Variants in UBE2G1 observed in about 807,000 individuals in gnomAD.
The protein encoded by UBE2G1 is ubiquitin conjugating enzyme E2 G1, also known as ubiquitin-conjugating enzyme E2 G1.
Under a neutral mutation model 22.7 loss-of-function variants are expected in UBE2G1, and 5 were observed. The observed-to-expected ratio is 0.22, with a 90% CI of 0.12 to 0.46. The LOEUF (loss-of-function observed/expected upper bound fraction) is 0.46, where lower values mean the gene tolerates loss of function less well. UBE2G1 is among the 20% of genes least tolerant of loss of function. The pLI, the probability that UBE2G1 is intolerant of heterozygous loss-of-function variation, is 0.99. For missense variants in UBE2G1, 88 were observed against 203.9 expected (o/e 0.43, Z 3.46); for synonymous variants, 74 against 67.5 (o/e 1.10, Z -0.47).
rs560828642 is a variant in UBE2G1, at chr17:4,310,153, T to C, written c.47-3030A>G. 2.0e-5 allele frequency among the ~76,000 whole-genome samples: 3 copies of C among 152,336 alleles called. No homozygotes were observed. The South Asian group carries it at 6.2e-4, about 32-fold the overall frequency. ...TACCATGCCTTCATGAATGCTTCCTTCAAGGTCTCTATCAATACTAGCCCC... is the reference window on the plus strand; with the variant it reads ...TACCATGCCTTCATGAATGCTTCCTCCAAGGTCTCTATCAATACTAGCCCC... On this transcript the variant is annotated intron_variant, in intron 1 of 5. Transcript: ENST00000396981.
chr17:4,328,914 G>A (rs767742576), intron 1 of UBE2G1, among the ~76,000 whole-genome samples: 30 of 151,768 alleles, frequency 2.0e-4, no homozygotes, highest in Non-Finnish European at 3.8e-4. Context: ...GTGAAACTCC[G>A]TCTCTACTAA....
chr17:4,307,187 T>A (rs1185058293), intron 1 of UBE2G1, 64 bp from the exon 2 acceptor site: 2 of 1,365,244 alleles, frequency 1.5e-6, no homozygotes, highest in Non-Finnish European at 2.1e-6. Context: ...GTAGATAAAT[T>A]ACAGAACTTG....
At chr17:4,355,979 C>T (rs1969901778) in intron 1 of UBE2G1, among the ~76,000 whole-genome samples, 1 of 140,842 alleles carries the variant, frequency 7.1e-6, no homozygotes, top group African/African-American at 2.6e-5. Flanking sequence ...GGATTACAGA[C>T]GAGAGCCACT....
intron 1 of UBE2G1, among the ~76,000 whole-genome samples, chr17:4,362,335 C>A (rs1187730895): frequency 6.6e-6 from 1 of 152,200 alleles, no homozygotes; most frequent in African/African-American, 2.4e-5. Context: ...AATCTTCAAT[C>A]TGGGATGATT....
intron 1 of UBE2G1, among the ~76,000 whole-genome samples, chr17:4,328,526 AGAG>A (rs1413191653): frequency 8.5e-5 from 13 of 152,340 alleles, no homozygotes; most frequent in African/African-American, 2.4e-4. Context: ...TGACTACTGC[AGAG>A]GAGAAGGCGA....
chr17:4,323,143 C>T (rs965395591), intron 1 of UBE2G1, among the ~76,000 whole-genome samples: 1 of 152,098 alleles, frequency 6.6e-6, no homozygotes, highest in African/African-American at 2.4e-5. Flanking sequence ...TTATAACTGA[C>T]AAAAATAGAC....
chr17:4,303,480 C>G (rs1969210948), intron 2 of UBE2G1, among the ~76,000 whole-genome samples: 2 of 152,100 alleles, frequency 1.3e-5, no homozygotes, highest in Non-Finnish European at 2.9e-5. Context: ...AATGAAACTG[C>G]TAAGACCAAA....
chr17:4,363,560 TCA>T (rs1969992631), intron 1 of UBE2G1, among the ~76,000 whole-genome samples: 1 of 152,212 alleles, frequency 6.6e-6, no homozygotes, highest in Non-Finnish European at 1.5e-5. Context: ...GGAAATCCTT[TCA>T]CACATTGCTG....
intron 3 of UBE2G1, among the ~76,000 whole-genome samples, chr17:4,294,445 GAAACGA>G (rs1969083960): frequency 1.5e-5 from 1 of 68,240 alleles, no homozygotes; most frequent in African/African-American, 6.3e-5. Context: ...AAAAAAGAAA[GAAACGA>G]AAAGAAAAGA....
At chr17:4,344,552 CA>C (rs576774645) in intron 1 of UBE2G1, among the ~76,000 whole-genome samples, 185 of 132,000 alleles carry the variant, frequency 1.4e-3, no homozygotes, top group Non-Finnish European at 1.5e-3. Flanking sequence ...AGAAAGCTCT[CA>C]AAAAAAAAAA....
Position 4,285,791 on chromosome 17 carries a change from A to C in UBE2G1, c.427-2870T>G, listed in dbSNP as rs1160484688. ...ATGGTGAAACCCCATCTCTACTAAA[A>C]ATACAAAAAAATAGCTGGGCATGGT... On this transcript the variant is annotated intron_variant, in intron 4 of 5. Transcript: ENST00000396981. Among the ~76,000 whole-genome samples, 3 of 152,072 alleles carry C rather than the reference A, an allele frequency of 2.0e-5. No individual in the cohort carries two copies. In the East Asian group the frequency reaches 5.8e-4, roughly 29 times the overall value.
intron 1 of UBE2G1, among the ~76,000 whole-genome samples, chr17:4,360,439 A>G (rs531755085): frequency 6.6e-6 from 1 of 152,328 alleles, no homozygotes; most frequent in East Asian, 1.9e-4. Context: ...ACTCATCTTG[A>G]CAGTGCAATC....
intron 1 of UBE2G1, among the ~76,000 whole-genome samples, chr17:4,341,050 CAAA>C (rs71383550): frequency 2.3e-5 from 2 of 85,946 alleles, no homozygotes; most frequent in African/African-American, 3.7e-5. Context: ...AGTGTCTTTA[CAAA>C]AAAAAAAAAA....
intron 1 of UBE2G1, among the ~76,000 whole-genome samples, chr17:4,357,909 G>C (rs958693059): frequency 6.6e-6 from 1 of 151,798 alleles, no homozygotes; most frequent in African/African-American, 2.4e-5. Flanking sequence ...AAACCAGCCT[G>C]GGCAACACAG....
chr17:4,290,585 C>A (rs1969021711), intron 3 of UBE2G1, among the ~76,000 whole-genome samples: 1 of 152,080 alleles, frequency 6.6e-6, no homozygotes, highest in Non-Finnish European at 1.5e-5. Context: ...GATCCTCCTG[C>A]CTCAGCCCTC....
intron 5 of UBE2G1, among the ~76,000 whole-genome samples, chr17:4,281,303 CAT>C (rs998024773): frequency 6.6e-6 from 1 of 152,136 alleles, no homozygotes; most frequent in African/African-American, 2.4e-5. Context: ...TATCATTCCA[CAT>C]ATAAACAGTT....
chr17:4,362,764 G>C (rs1232295908), intron 1 of UBE2G1, among the ~76,000 whole-genome samples: 1 of 152,068 alleles, frequency 6.6e-6, no homozygotes, highest in Non-Finnish European at 1.5e-5. Context: ...GGGCCGCAGG[G>C]GGCAGCAGAA....
chr17:4,316,488 C>A (rs981951897), intron 1 of UBE2G1, among the ~76,000 whole-genome samples: 3 of 152,200 alleles, frequency 2.0e-5, no homozygotes, highest in Admixed American at 2.0e-4. Flanking sequence ...ACTGCAAAAA[C>A]GTTCCCGTCC....
intron 3 of UBE2G1, among the ~76,000 whole-genome samples, chr17:4,295,897 T>TA (rs561031848): frequency 6.9e-6 from 1 of 145,834 alleles, no homozygotes; most frequent in Non-Finnish European, 1.5e-5. Context: ...CTTCTTTAAG[T>TA]AAAAAAAGTC....
Sources: gnomAD v4.1 joint callset for allele counts (sites outside exome capture counted in the v4.1 genomes callset) on GRCh38, gnomAD v4.1.1 for gene constraint, MANE v1.5 for transcripts, NCBI Gene and HGNC (gene_info 2026-07-23, HGNC 2026-07-21) for gene names.